ABI1: variants seen among roughly 807,000 people sequenced by gnomAD.
The protein encoded by ABI1 is abl interactor 1.
ABI1 carries 14 observed loss-of-function variants against 54.6 expected under a neutral mutation model. The observed-to-expected ratio is 0.26, with a 90% confidence interval of 0.17 to 0.40. The LOEUF (loss-of-function observed/expected upper bound fraction) is 0.40. ABI1 is among the 10% of genes least tolerant of loss of function. The pLI is 1.00. For missense variants in ABI1, 443 were observed against 598.3 expected, an observed-to-expected ratio of 0.74 and a Z score of 2.71; for synonymous variants, 194 against 209.3, an observed-to-expected ratio of 0.93 and a Z score of 0.63.
chr10:26,779,719 G>A (rs1276974959), intron 2 of ABI1, among the ~76,000 whole-genome samples: 3 of 152,138 alleles, frequency 2.0e-5, no homozygotes, highest in African/African-American at 7.2e-5. Context: ...AGCTCCTACC[G>A]CAGTCTACCT....
intron 1 of ABI1, among the ~76,000 whole-genome samples, chr10:26,845,281 TACTATAG>T (rs2049885385): frequency 6.6e-6 from 1 of 152,158 alleles, no homozygotes; most frequent in Non-Finnish European, 1.5e-5. Context: ...TAACTATACA[TACTATAG>T]ACCAATTTTC....
At position 26,763,798 on chromosome 10, in the gene ABI1, G is replaced by A. The variant is rs1359214773; in HGVS notation, c.820+1420C>T. The A allele has an allele frequency of 4.0e-6, 5 of 1,256,016 alleles. No homozygotes were observed. The African/African-American group carries it at 5.9e-5, about 15-fold the overall frequency. The allele number at this position is 1,256,016 out of a possible 1,614,324, so 77.8% of individuals were successfully genotyped here. ...CACCTGCAACCTAATAACTATAAAA[G>A]CCAGCACTCTACTAGCACAGAGGAG... On this transcript the variant is annotated intron_variant, in intron 7 of 10. Coordinates refer to ENST00000376140, the MANE Select transcript of ABI1 (RefSeq NM_001012750.3).
intron 2 of ABI1, among the ~76,000 whole-genome samples, chr10:26,783,334 T>C (rs1842367001): frequency 6.6e-6 from 1 of 152,118 alleles, no homozygotes; most frequent in Admixed American, 6.5e-5. Context: ...GGGTATAGGG[T>C]TTAATTTCTA....
At chr10:26,768,818 T>C in intron 6 of ABI1, 34 bp downstream of exon 6, 1 of 1,591,894 alleles carries the variant, frequency 6.3e-7, no homozygotes, top group Non-Finnish European at 8.6e-7. Flanking sequence ...ACACCCACTT[T>C]AGAGATGTTG....
intron 2 of ABI1, among the ~76,000 whole-genome samples, chr10:26,817,562 G>T (rs1359073521): frequency 1.3e-5 from 2 of 152,142 alleles, no homozygotes; most frequent in Admixed American, 1.3e-4. Context: ...ACTTGCGGAT[G>T]GAGAGTTAGT....
rs1304148931 is a variant in ABI1 at position 26,777,234 on chromosome 10, T to C, written c.293A>G (p.Asp98Gly). ...TCGTGCCACTTTCTCCTTATGAATA[T>C]CCACAGTCTATATTTTAATTTGAAC... ...SSINHISQTV[D>G]IHKEKVARRE... The change falls in exon 3 of 11, where the codon GAT (aspartate) becomes GGT (glycine). Residue 98 changes from aspartate (D) to glycine (G), a missense_variant. Physicochemically the swap from Asp to Gly is moderately conservative, Grantham distance 94 (BLOSUM62 -1). Coordinates refer to ENST00000376140, the MANE Select transcript of ABI1 (RefSeq NM_001012750.3). The C allele has an allele frequency of 4.4e-6, 7 of 1,605,102 alleles. No individual in the cohort carries two copies. Among genetic ancestry groups the C allele is most frequent in the East Asian group, 2.2e-5 (1 of 44,796 alleles).
At chr10:26,831,732 T>TA (rs11354892) in intron 1 of ABI1, among the ~76,000 whole-genome samples, 1 of 151,942 alleles carries the variant, frequency 6.6e-6, no homozygotes, top group East Asian at 1.9e-4. Context: ...AGGTATCTTG[T>TA]AAAAAAAATC....
chr10:26,843,453 C>CAAAAAA lies in ABI1; in HGVS notation c.117+17288_117+17293dup, dbSNP rs147957853. ...TTTATGACATAGCAAGACTCCGTCT[C>CAAAAAA]AAAAAAAAAAAAAAAAAAAAAAAAA... On this transcript the variant is annotated intron_variant, in intron 1 of 10. Transcript: ENST00000376140. Among the ~76,000 whole-genome samples, 73 of 53,042 alleles carry CAAAAAA rather than the reference C, an allele frequency of 1.4e-3. 6 individuals are homozygous for CAAAAAA. The highest frequency in any genetic ancestry group is 2.4e-3 in the Non-Finnish European group (59 of 24,832). The allele number at this position is 53,042 out of a possible 152,430, so 34.8% of individuals were successfully genotyped here. A position where few individuals can be genotyped will look rare whatever the true frequency, so the allele number is the denominator to read the frequency against.
chr10:26,828,153 G>C (rs2048430631), intron 1 of ABI1, among the ~76,000 whole-genome samples: 3 of 152,160 alleles, frequency 2.0e-5, no homozygotes, highest in African/African-American at 4.8e-5. Context: ...CAATATTGTT[G>C]CATCTCAGGC....
At chr10:26,820,272 A>G (rs1564539811) in intron 2 of ABI1, among the ~76,000 whole-genome samples, 2 of 152,216 alleles carry the variant, frequency 1.3e-5, no homozygotes, top group Non-Finnish European at 2.9e-5. Context: ...ATGTATATGT[A>G]TATCAAAACA....
At chr10:26,852,944 C>G (rs1589087993) in intron 1 of ABI1, among the ~76,000 whole-genome samples, 1 of 151,974 alleles carries the variant, frequency 6.6e-6, no homozygotes, top group South Asian at 2.1e-4. Flanking sequence ...CCCTCATTAA[C>G]AGATTTTCTT....
intron 1 of ABI1, among the ~76,000 whole-genome samples, chr10:26,830,287 CT>C (rs2048577713): frequency 6.6e-6 from 1 of 152,134 alleles, no homozygotes; most frequent in East Asian, 1.9e-4. Context: ...AAAGATACAA[CT>C]GCTGAGTCAC....
At position 26,860,665 on chromosome 10, in the gene ABI1, G is replaced by T; in HGVS notation, c.117+82C>A. 1 of 1,153,110 alleles carries T rather than the reference G, an allele frequency of 8.7e-7. No individual in the cohort carries two copies. The highest frequency in any genetic ancestry group is 1.3e-6 in the Non-Finnish European group (1 of 770,320). 71.4% of individuals were successfully genotyped at this position (1,153,110 alleles called of 1,614,324 possible). The stretch of plus-strand genomic sequence containing the variant: ...GGTGGCAGCCGCTGAGGTCAGGGCA[G>T]TTCCCCACCCCGCCCAGTGGGCTGG... On this transcript the variant is annotated intron_variant, in intron 1 of 10. Transcript: ENST00000376140. The surrounding 1 kb of genome is among the most constrained non-coding windows in gnomAD (Gnocchi z 4.1).
intron 2 of ABI1, among the ~76,000 whole-genome samples, chr10:26,804,381 TAA>T (rs543934752): frequency 6.5e-5 from 9 of 138,528 alleles, no homozygotes; most frequent in Admixed American, 7.3e-5. Context: ...AGGCTCTATT[TAA>T]AAAAAAAAAA....
intron 9 of ABI1, among the ~76,000 whole-genome samples, chr10:26,752,219 T>C (rs1189978407): frequency 6.6e-6 from 1 of 152,226 alleles, no homozygotes; most frequent in African/African-American, 2.4e-5. Context: ...TGATTTTGGC[T>C]TGAAACAGCT....
At chr10:26,828,949 G>C (rs2148111) in intron 1 of ABI1, among the ~76,000 whole-genome samples, 2 of 152,120 alleles carry the variant, frequency 1.3e-5, no homozygotes, top group Non-Finnish European at 2.9e-5. Flanking sequence ...CAGTTTAGCC[G>C]GGCGCGGTGG....
At chr10:26,838,273 C>T (rs1258618372) in intron 1 of ABI1, among the ~76,000 whole-genome samples, 2 of 151,974 alleles carry the variant, frequency 1.3e-5, no homozygotes, top group Non-Finnish European at 2.9e-5. Context: ...CCACCCACCT[C>T]AGCCTCCCGA....
At chr10:26,851,379 C>G (rs2050380515) in intron 1 of ABI1, among the ~76,000 whole-genome samples, 2 of 49,274 alleles carry the variant, frequency 4.1e-5, no homozygotes, top group Non-Finnish European at 6.9e-5. Context: ...TTTTTTGAGA[C>G]AGGGTCTTGC....
intron 2 of ABI1, among the ~76,000 whole-genome samples, chr10:26,787,053 T>G (rs1010260268): frequency 6.6e-6 from 1 of 152,232 alleles, no homozygotes. Context: ...TACTAAATCC[T>G]GTCACATCTA....
Sources: allele counts gnomAD v4.1 joint callset (sites outside exome capture counted in the v4.1 genomes callset), GRCh38; gene constraint gnomAD v4.1.1; non-coding constraint Gnocchi (gnomAD v3.1); transcripts MANE v1.5; gene names NCBI Gene and HGNC (gene_info 2026-07-23, HGNC 2026-07-21).